STAT3: variants seen among roughly 807,000 people sequenced by gnomAD.
STAT3 encodes the protein signal transducer and activator of transcription 3.
A neutral mutation model predicts 114.3 loss-of-function variants in STAT3; 7 were observed. That is an observed-to-expected ratio of 0.06 (90% CI 0.03 to 0.11). STAT3 has a LOEUF of 0.11. Ranked by LOEUF, STAT3 falls within the 10% of genes least tolerant of loss-of-function variation. The probability of loss-of-function intolerance (pLI) is 1.00; values close to 1 mark genes in which losing one functional copy is unlikely to be tolerated. For synonymous variants in STAT3, 331 were observed against 354.5 expected (o/e 0.93, Z 0.74); for missense variants, 364 against 960.9 (o/e 0.38, Z 8.21).
rs769744589 is a variant in STAT3, at chr17:42,333,846, T to C, written c.956+45A>G. The C allele has an allele frequency of 1.2e-6, 2 of 1,614,002 alleles. No homozygotes were observed. Among genetic ancestry groups the C allele is most frequent in the African/African-American group, 1.3e-5 (1 of 74,926 alleles). On this transcript the variant is annotated intron_variant, in intron 9 of 23. Transcript: ENST00000264657. This position sits in a 1 kb window ranked among gnomAD's most constrained non-coding sequence, Gnocchi z 5.2. ...CCTCTCACTCTACCACGTGAGTCTTTAGGTATTTTTTAGATGAGGGAAAGG... is the reference window on the plus strand; with the variant it reads ...CCTCTCACTCTACCACGTGAGTCTTCAGGTATTTTTTAGATGAGGGAAAGG...
chr17:42,369,974 TTTG>T lies in STAT3; in HGVS notation c.-24+18302_-24+18304del, dbSNP rs140583617. 3.1e-3 allele frequency among the ~76,000 whole-genome samples: 478 copies of T among 152,046 alleles called. 7 individuals are homozygous for T. Among genetic ancestry groups the T allele is most frequent in the African/African-American group, 0.011 (457 of 41,472 alleles). ...CTGCACTTTGGCCATGTGTTGGTTT[TTTG>T]TTGTTGTTTTTTGAGACGGAGTCTT... is the stretch of plus-strand genomic sequence containing the variant. On this transcript the variant is annotated intron_variant, in intron 1 of 23. Coordinates refer to ENST00000264657, the MANE Select transcript of STAT3 (RefSeq NM_139276.3).
rs2081271771 is a variant in STAT3 at position 42,316,882 on chromosome 17, T to C, written c.2164A>G (p.Ile722Val). ...GTGCGGGGGGACATCGGCAGGTCAA[T>C]GGTATTGCTGCAGGTCGTTCTGTAG... ...CVTPTTCSNT[I>V]DLPMSPRTLD... is the part of the protein sequence containing the mutation. Residue 722 changes from isoleucine to valine, a missense_variant, in exon 23 of 24, where the codon ATT becomes GTT. Physicochemically the swap from Ile to Val is conservative, Grantham distance 29 (BLOSUM62 3). Coordinates refer to ENST00000264657, the MANE Select transcript of STAT3 (RefSeq NM_139276.3). 1.2e-6 allele frequency: 2 copies of C among 1,607,946 alleles called. No individual in the cohort carries two copies. The highest frequency in any genetic ancestry group is 2.2e-5 in the East Asian group (1 of 44,544).
chr17:42,323,516 C>T (rs570291909), intron 18 of STAT3, 57 bp downstream of exon 18: 24 of 1,599,906 alleles, frequency 1.5e-5, no homozygotes, highest in African/African-American at 1.1e-4. Context: ...GAGCCCTCAA[C>T]GACAGCCGTG....
At chr17:42,327,899 A>T (rs2081803010) in intron 14 of STAT3, among the ~76,000 whole-genome samples, 1 of 152,126 alleles carries the variant, frequency 6.6e-6, no homozygotes, top group Non-Finnish European at 1.5e-5. Flanking sequence ...TGCAAAAATT[A>T]GCCAGGCGTG....
At chr17:42,381,562 A>T (rs2084798151) in intron 1 of STAT3, among the ~76,000 whole-genome samples, 1 of 150,356 alleles carries the variant, frequency 6.7e-6, no homozygotes, top group Admixed American at 6.6e-5. Flanking sequence ...TGTCGCTACT[A>T]AAAATATAAA....
chr17:42,340,521 ATTT>A (rs113949150), intron 4 of STAT3, among the ~76,000 whole-genome samples: 9 of 143,334 alleles, frequency 6.3e-5, no homozygotes, highest in Non-Finnish European at 1.1e-4. Context: ...AAAAAAAAAA[ATTT>A]TTTTTTAACT....
chr17:42,383,098 C>T (rs1014346543), intron 1 of STAT3, among the ~76,000 whole-genome samples: 3 of 152,086 alleles, frequency 2.0e-5, no homozygotes, highest in African/African-American at 7.3e-5. Flanking sequence ...ACTCTGTCCC[C>T]CAGTCTGGAG....
chr17:42,329,795 T>C lies in STAT3; in HGVS notation c.1110-19A>G, dbSNP rs199670300. ...AGAGTCTCTGTAAGAACACAGACTG[T>C]TGTTAATAAAATAGGCTCTGTGTTT... is the stretch of plus-strand genomic sequence containing the variant. On this transcript the variant is annotated intron_variant, in intron 11 of 23. Coordinates refer to ENST00000264657, the MANE Select transcript of STAT3 (RefSeq NM_139276.3). 3.3e-5 allele frequency: 54 copies of C among 1,614,052 alleles called. No individual in the cohort carries two copies. The highest frequency in any genetic ancestry group is 1.7e-5 in the Admixed American group (1 of 60,020).
At chr17:42,340,705 G>A (rs2082410108) in intron 4 of STAT3, among the ~76,000 whole-genome samples, 1 of 152,084 alleles carries the variant, frequency 6.6e-6, no homozygotes, top group Admixed American at 6.6e-5. Flanking sequence ...CTTCTTAGAA[G>A]TTTTGGGAAG....
intron 14 of STAT3, among the ~76,000 whole-genome samples, chr17:42,328,661 G>T (rs993245866): frequency 6.6e-6 from 1 of 152,204 alleles, no homozygotes; most frequent in African/African-American, 2.4e-5. Context: ...GCCTGCCTTG[G>T]CATCCCAAAG....
At chr17:42,364,208 T>C (rs1399879183) in intron 1 of STAT3, among the ~76,000 whole-genome samples, 2 of 152,198 alleles carry the variant, frequency 1.3e-5, no homozygotes, top group Non-Finnish European at 2.9e-5. Flanking sequence ...ACATGACAAC[T>C]GCATCCTGAA....
chr17:42,346,794 GA>G, intron 2 of STAT3, 81 bp from the exon 3 acceptor site: 5 of 1,593,476 alleles, frequency 3.1e-6, no homozygotes, highest in South Asian at 1.1e-5. Context: ...CAAGAAAGAG[GA>G]AAAAAACAAA....
At chr17:42,350,462 T>A (rs922309781) in intron 1 of STAT3, among the ~76,000 whole-genome samples, 1 of 152,106 alleles carries the variant, frequency 6.6e-6, no homozygotes, top group Non-Finnish European at 1.5e-5. Context: ...TTTAAAAAAA[T>A]TTTTGTAGAG....
At chr17:42,350,936 T>G (rs1193108989) in intron 1 of STAT3, among the ~76,000 whole-genome samples, 6 of 151,818 alleles carry the variant, frequency 4.0e-5, no homozygotes, top group African/African-American at 7.3e-5. Flanking sequence ...ATCGAGACCA[T>G]CCTGGCCAAT....
chr17:42,344,101 GATAA>G (rs200465259), intron 4 of STAT3, among the ~76,000 whole-genome samples: 2,005 of 152,256 alleles, frequency 0.013, 51 homozygotes, highest in African/African-American at 0.045. Context: ...TTTGGTTTCT[GATAA>G]ATATTCTTTC....
chr17:42,339,194 T>A, intron 5 of STAT3, 120 bp downstream of exon 5: 1 of 948,964 alleles, frequency 1.1e-6, no homozygotes, highest in Non-Finnish European at 1.6e-6. Flanking sequence ...AGGTCGAGGC[T>A]GCAGTGAGCT....
chr17:42,356,442 G>A lies in STAT3; in HGVS notation c.-23-7903C>T, dbSNP rs965418182. Among the ~76,000 whole-genome samples the A allele has an allele frequency of 4.0e-5, 6 of 151,518 alleles. No homozygotes were observed. In the South Asian group the frequency reaches 8.3e-4, roughly 21 times the overall value. On this transcript the variant is annotated intron_variant, in intron 1 of 23. Transcript: ENST00000264657. ...TGTACTCCAGCTTGGGTGACACAGC[G>A]AGACCCTGTCTCCGAAAAAATAAAA... is the stretch of plus-strand genomic sequence containing the variant.
chr17:42,386,153 C>T (rs1238527998), intron 1 of STAT3, among the ~76,000 whole-genome samples: 1 of 151,916 alleles, frequency 6.6e-6, no homozygotes, highest in African/African-American at 2.4e-5. Flanking sequence ...TGGTGGCGCA[C>T]GCCTGTAGTC....
At chr17:42,336,887 T>C (rs1226797624) in intron 8 of STAT3, among the ~76,000 whole-genome samples, 2 of 151,976 alleles carry the variant, frequency 1.3e-5, no homozygotes, top group African/African-American at 4.8e-5. Flanking sequence ...AAAGCCTTAA[T>C]TGAATTATTA....
Sources: gnomAD v4.1 joint callset for allele counts (sites outside exome capture counted in the v4.1 genomes callset) on GRCh38, gnomAD v4.1.1 for gene constraint, Gnocchi (gnomAD v3.1) non-coding constraint, MANE v1.5 for transcripts, NCBI Gene and HGNC (gene_info 2026-07-23, HGNC 2026-07-21) for gene names.